RSL1D1: variants seen among roughly 807,000 people sequenced by gnomAD.
RSL1D1 encodes the protein ribosomal L1 domain containing 1, also known as ribosomal L1 domain-containing protein 1.
A neutral mutation model predicts 44.6 loss-of-function variants in RSL1D1; 34 were observed. That is an observed-to-expected ratio of 0.76 (90% CI 0.58 to 1.02). The LOEUF (loss-of-function observed/expected upper bound fraction) is 1.02. RSL1D1 is among the 50% of genes least tolerant of loss of function. The pLI, the probability that RSL1D1 is intolerant of heterozygous loss-of-function variation, is 0.00. For missense variants in RSL1D1, 767 were observed against 568.1 expected, an observed-to-expected ratio of 1.35 and a Z score of -3.56; for synonymous variants, 271 against 207.4, an observed-to-expected ratio of 1.31 and a Z score of -2.63.
In RSL1D1 at chr16:11,835,383, T is replaced by C. The variant is rs947446632; in HGVS notation, c.*2404A>G. The C allele has an allele frequency of 2.0e-5, 3 of 151,652 alleles. No individual in the cohort carries two copies. Among genetic ancestry groups the C allele is most frequent in the African/African-American group, 7.3e-5 (3 of 41,190 alleles). The allele number at this position is 151,652 out of a possible 1,614,324, so 9.4% of individuals were successfully genotyped here. On this transcript the variant is annotated 3_prime_UTR_variant, in exon 9 of 9. Transcript: ENST00000571133. ...TTTTAGTAGAGATGGGGTTTCACCA[T>C]GTAAGCCAGGCTGGTCTCAGAACTC...
At chr16:11,838,144 A>G (rs766542716) in intron 8 of RSL1D1, 31 bp from the exon 9 acceptor site, 1 of 1,493,988 alleles carries the variant, frequency 6.7e-7, no homozygotes, top group East Asian at 2.3e-5. Flanking sequence ...TTTAATATAG[A>G]AAAAGCCACA....
chr16:11,851,112 A>C (rs766412522), intron 1 of RSL1D1: 4 of 461,044 alleles, frequency 8.7e-6, no homozygotes, highest in African/African-American at 4.0e-5. Flanking sequence ...CTGCAAAACT[A>C]AGCGATTCGG....
chr16:11,838,669 C>CA (rs1315052100), intron 8 of RSL1D1, among the ~76,000 whole-genome samples: 1 of 150,980 alleles, frequency 6.6e-6, no homozygotes, highest in Non-Finnish European at 1.5e-5. Flanking sequence ...GTAGCCTGGC[C>CA]AACATGGCAA....
At position 11,851,540 on chromosome 16, in the gene RSL1D1, T is replaced by C; in HGVS notation, c.-28A>G. 3 of 1,605,428 alleles carry C rather than the reference T, an allele frequency of 1.9e-6. No homozygotes were observed. The highest frequency in any genetic ancestry group is 1.1e-5 in the South Asian group (1 of 90,662). On this transcript the variant is annotated 5_prime_UTR_variant, in exon 1 of 9. Transcript: ENST00000571133. ...TGTTTCCACCTCGTGAAGAGGCGCG[T>C]GTGCAACCCCACTGCTGGCTTCTGG...
chr16:11,842,061 C>A, intron 5 of RSL1D1, 61 bp from the exon 6 acceptor site: 1 of 1,187,116 alleles, frequency 8.4e-7, no homozygotes, highest in South Asian at 1.4e-5. Context: ...ATAAACCAGG[C>A]AGGTATATGA....
At chr16:11,850,231 G>C (rs750603163) in intron 2 of RSL1D1, 48 bp downstream of exon 2, 14 of 1,520,628 alleles carry the variant, frequency 9.2e-6, no homozygotes, top group Non-Finnish European at 1.1e-5. Flanking sequence ...GAGTTACAAA[G>C]AATAAACACA....
chr16:11,838,786 G>A (rs138216443), intron 8 of RSL1D1, among the ~76,000 whole-genome samples: 1 of 150,830 alleles, frequency 6.6e-6, no homozygotes, highest in African/African-American at 2.4e-5. Context: ...GGGCACGAAA[G>A]GTGGAGGTTG....
At position 11,841,785 on chromosome 16, in the gene RSL1D1, A is replaced by G. The variant is rs2053765312; in HGVS notation, c.765T>C (p.Thr255=). 1 of 1,614,096 alleles carries G rather than the reference A, an allele frequency of 6.2e-7. No individual in the cohort carries two copies. The highest frequency in any genetic ancestry group is 8.5e-7 in the Non-Finnish European group (1 of 1,179,970). ...AGATGGGAAGTGCAGCCGATTTCTCAGTTTTCACAAACAGGAGTTTCACGC... is the reference window on the plus strand; with the variant it reads ...AGATGGGAAGTGCAGCCGATTTCTCGGTTTTCACAAACAGGAGTTTCACGC... ...WESVKLLFVK[T]EKSAALPIFS... The change falls in exon 7 of 9, where the codon ACT becomes ACC. Residue 255 remains threonine, a synonymous_variant. Coordinates refer to ENST00000571133, the MANE Select transcript of RSL1D1 (RefSeq NM_015659.3).
rs1187654295 is a variant in RSL1D1 at position 11,838,035 on chromosome 16, C to A, written c.1225G>T (p.Ala409Ser). ...PSTPRGKKRK[A>S]LPASETPKAA... Reference sequence around the variant, plus strand: ...TTTGGGGTCTCAGATGCTGGCAAAGCCTTTCTTTTCTTCCCACGAGGTGTG... The same window carrying A: ...TTTGGGGTCTCAGATGCTGGCAAAGACTTTCTTTTCTTCCCACGAGGTGTG... The change falls in exon 9 of 9, where the codon GCT becomes TCT. Residue 409 changes from alanine (A) to serine (S), a missense_variant. Transcript: ENST00000571133. 1.2e-6 allele frequency: 2 copies of A among 1,613,812 alleles called. No homozygotes were observed. The highest frequency in any genetic ancestry group is 2.2e-5 in the South Asian group (2 of 91,044).
rs1247226960 is a variant in RSL1D1, at chr16:11,841,718, A to T, written c.832T>A (p.Ser278Thr). ...VSNWDEATKR[S>T]LLNKKKKEAR... is the part of the protein sequence containing the mutation. Reference sequence around the variant, plus strand: ...ACTTTTTTCTTCTTATTAAGCAAAGATCTTTTGGTGGCTTCATCCCAATTG... The same window carrying T: ...ACTTTTTTCTTCTTATTAAGCAAAGTTCTTTTGGTGGCTTCATCCCAATTG... Residue 278 changes from serine (S) to threonine (T), a missense_variant, in exon 7 of 9, where the codon TCT (serine) becomes ACT (threonine). Coordinates refer to ENST00000571133, the MANE Select transcript of RSL1D1 (RefSeq NM_015659.3). 15 of 1,613,034 alleles carry T rather than the reference A, an allele frequency of 9.3e-6. No individual in the cohort carries two copies. The highest frequency in any genetic ancestry group is 1.3e-5 in the African/African-American group (1 of 74,882).
chr16:11,843,199 T>G (rs547288983), intron 5 of RSL1D1, among the ~76,000 whole-genome samples: 204 of 151,356 alleles, frequency 1.3e-3, no homozygotes, highest in Middle Eastern at 3.4e-3. Flanking sequence ...CCTCTCAAAG[T>G]GCTGGGATTA....
intron 5 of RSL1D1, among the ~76,000 whole-genome samples, chr16:11,842,460 C>T (rs35153773): frequency 0.54 from 82,226 of 151,392 alleles, 23,346 homozygotes; most frequent in Non-Finnish European, 0.63. Context: ...GCACAATCAA[C>T]GTACTGGGCT....
chr16:11,846,682 C>T lies in RSL1D1; in HGVS notation c.533+13G>A. The T allele has an allele frequency of 1.2e-6, 2 of 1,613,720 alleles. No homozygotes were observed. Among genetic ancestry groups the T allele is most frequent in the Non-Finnish European group, 1.7e-6 (2 of 1,179,862 alleles). On this transcript the variant is annotated intron_variant, in intron 4 of 8. Transcript: ENST00000571133. ...TCATGCTGCTAAAGTCCAGTCATTA[C>T]TAAGAAACTTACTTCTTTCTTTGAT...
chr16:11,843,748 A>G (rs1210330950), intron 5 of RSL1D1, among the ~76,000 whole-genome samples: 1 of 151,486 alleles, frequency 6.6e-6, no homozygotes, highest in African/African-American at 2.4e-5. Context: ...GTGGGCGCCT[A>G]TAGTCCCAGC....
intron 5 of RSL1D1, among the ~76,000 whole-genome samples, chr16:11,845,750 C>T (rs367992344): frequency 1.3e-5 from 2 of 151,088 alleles, no homozygotes; most frequent in East Asian, 2.0e-4. Context: ...TAAAGACAGT[C>T]TTGCTCTGTC....
intron 3 of RSL1D1, 105 bp downstream of exon 3, chr16:11,847,563 A>G: frequency 2.0e-6 from 2 of 1,001,012 alleles, no homozygotes; most frequent in South Asian, 3.2e-5. Context: ...TTAAAAAGAG[A>G]AAAGTAGAAG....
chr16:11,846,495 A>C lies in RSL1D1; in HGVS notation c.635+6T>G, dbSNP rs1364567354. On this transcript the variant is annotated splice_donor_region_variant and intron_variant, in intron 5 of 8. Transcript: ENST00000571133. ...AAAGAGGCACACATGAATGCCTTTT[A>C]CCTACCTGCAAGAACCACTTTTAGA... 2 of 1,426,680 alleles carry C rather than the reference A, an allele frequency of 1.4e-6. No individual in the cohort carries two copies. The highest frequency in any genetic ancestry group is 1.9e-6 in the Non-Finnish European group (2 of 1,028,180). 88.4% of individuals were successfully genotyped at this position (1,426,680 alleles called of 1,614,324 possible).
rs780434684 is a variant in RSL1D1, at chr16:11,834,344, A to C, written c.*3443T>G. 4 of 152,256 alleles carry C rather than the reference A, an allele frequency of 2.6e-5. No individual in the cohort carries two copies. The highest frequency in any genetic ancestry group is 4.8e-5 in the African/African-American group (2 of 41,468). 9.4% of individuals were successfully genotyped at this position (152,256 alleles called of 1,614,324 possible). A position where few individuals can be genotyped will look rare whatever the true frequency, so the allele number is the denominator to read the frequency against. On this transcript the variant is annotated 3_prime_UTR_variant, in exon 9 of 9. Coordinates refer to ENST00000571133, the MANE Select transcript of RSL1D1 (RefSeq NM_015659.3). ...TTTATTATAAGATAGGTTTTATGTT[A>C]GATGATAACACCAGCATCTTGCTCA...
intron 5 of RSL1D1, among the ~76,000 whole-genome samples, chr16:11,845,866 G>C (rs1172555457): frequency 6.6e-6 from 1 of 151,650 alleles, no homozygotes; most frequent in Non-Finnish European, 1.5e-5. Flanking sequence ...GGAGCACAGG[G>C]ATGCACCACC....
Sources: gnomAD v4.1 joint callset for allele counts (sites outside exome capture counted in the v4.1 genomes callset) on GRCh38, gnomAD v4.1.1 for gene constraint, MANE v1.5 for transcripts, NCBI Gene and HGNC (gene_info 2026-07-23, HGNC 2026-07-21) for gene names.